TMEM272: variants seen among roughly 807,000 people sequenced by gnomAD.
TMEM272 encodes long intergenic non-protein coding RNA 282.
In TMEM272, 8 loss-of-function variants were observed where a neutral mutation model predicts 3.7. That is an observed-to-expected ratio of 2.17 (90% confidence interval 1.27 to 3.91). TMEM272 has a LOEUF of 3.91. Among genes scored for constraint, TMEM272 ranks in the 30% most tolerant of loss-of-function variants. TMEM272 has a pLI of 0.00. For missense variants in TMEM272, 166 were observed against 91.5 expected (o/e 1.81, Z -3.32); for synonymous variants, 63 against 39.8 (o/e 1.58, Z -2.20).
At chr13:51,837,294 G>A (rs1446534808) in intron 2 of TMEM272, among the ~76,000 whole-genome samples, 2 of 152,198 alleles carry the variant, frequency 1.3e-5, no homozygotes, top group Non-Finnish European at 2.9e-5. Flanking sequence ...GTTGGGGGAG[G>A]TGGTGGTAAC....
At chr13:51,843,830 G>A (rs1018837910) in intron 1 of TMEM272, among the ~76,000 whole-genome samples, 2 of 152,144 alleles carry the variant, frequency 1.3e-5, no homozygotes, top group African/African-American at 4.8e-5. Context: ...ATAATAAAGG[G>A]CACGATGGGA....
chr13:51,866,209 C>T, the TMEM272 span: 116 of 848,466 alleles, frequency 1.4e-4, no homozygotes, highest in Non-Finnish European at 1.8e-4. Flanking sequence ...CAATAAAGTC[C>T]TGAGGCAAGG....
chr13:51,874,709 G>A, the TMEM272 span, among the ~76,000 whole-genome samples: 2 of 152,132 alleles, frequency 1.3e-5, no homozygotes, highest in African/African-American at 4.8e-5. Flanking sequence ...AGTCATACGG[G>A]TGAATTCTCC....
chr13:51,917,592 C>T, the TMEM272 span, among the ~76,000 whole-genome samples: 3 of 152,154 alleles, frequency 2.0e-5, no homozygotes, highest in Non-Finnish European at 2.9e-5. Context: ...GTGCTACCAG[C>T]GAGTCCTGTG....
the TMEM272 span, among the ~76,000 whole-genome samples, chr13:51,892,956 C>T: frequency 6.6e-6 from 1 of 152,206 alleles, no homozygotes; most frequent in Non-Finnish European, 1.5e-5. Flanking sequence ...TTTACTGCAC[C>T]CTGACTACAA....
chr13:51,842,586 T>C (rs1437015613), intron 1 of TMEM272, among the ~76,000 whole-genome samples: 1 of 152,208 alleles, frequency 6.6e-6, no homozygotes, highest in African/African-American at 2.4e-5. Flanking sequence ...TTAGTCATTA[T>C]AAACAACTGC....
chr13:51,878,777 C>A, the TMEM272 span, among the ~76,000 whole-genome samples: 1 of 152,204 alleles, frequency 6.6e-6, no homozygotes, highest in Non-Finnish European at 1.5e-5. Context: ...CTCTTCCCTT[C>A]ACTATATGAA....
chr13:51,843,002 A>G (rs973079723), intron 1 of TMEM272, among the ~76,000 whole-genome samples: 1 of 152,212 alleles, frequency 6.6e-6, no homozygotes, highest in Admixed American at 6.5e-5. Context: ...AGCTGTATCC[A>G]TTTCCAGTGC....
At chr13:51,826,430 G>A in intron 3 of TMEM272, 136 bp downstream of exon 3, 1 of 634,352 alleles carries the variant, frequency 1.6e-6, no homozygotes, top group South Asian at 1.8e-5. Flanking sequence ...TTCTGAGATG[G>A]CACATAGGTG....
chr13:51,865,322 GC>G, the TMEM272 span: 1 of 1,417,848 alleles, frequency 7.1e-7, no homozygotes. Flanking sequence ...CTTTTCTGCT[GC>G]CCCCACAGGG....
At chr13:51,917,562 C>A in the TMEM272 span, among the ~76,000 whole-genome samples, 1 of 152,130 alleles carries the variant, frequency 6.6e-6, no homozygotes, top group East Asian at 1.9e-4. Flanking sequence ...CTAGGGAAAC[C>A]CACACGCTAC....
intron 1 of TMEM272, among the ~76,000 whole-genome samples, chr13:51,841,650 A>G (rs1258998458): frequency 6.6e-6 from 1 of 152,238 alleles, no homozygotes; most frequent in African/African-American, 2.4e-5. Context: ...TTTAGCCACT[A>G]ACTGCAAATA....
At chr13:51,832,092 G>T (rs368519668) in intron 2 of TMEM272, among the ~76,000 whole-genome samples, 1 of 152,272 alleles carries the variant, frequency 6.6e-6, no homozygotes, top group East Asian at 1.9e-4. Flanking sequence ...ATTGGGAAGG[G>T]TGCCCTCCTC....
At chr13:51,897,624 T>C in the TMEM272 span, among the ~76,000 whole-genome samples, 2 of 151,990 alleles carry the variant, frequency 1.3e-5, no homozygotes, top group African/African-American at 2.4e-5. Flanking sequence ...AAAAAAATAG[T>C]TGAAAAGATA....
chr13:51,845,331 T>G (rs1956296646), upstream of TMEM272, among the ~76,000 whole-genome samples: 1 of 152,064 alleles, frequency 6.6e-6, no homozygotes, highest in Non-Finnish European at 1.5e-5. Flanking sequence ...GCCGACCCCT[T>G]GGAGTTAGGA....
At chr13:51,884,273 G>A in the TMEM272 span, among the ~76,000 whole-genome samples, 1 of 152,182 alleles carries the variant, frequency 6.6e-6, no homozygotes, top group Non-Finnish European at 1.5e-5. Flanking sequence ...ATTTGGGGTT[G>A]ATCTTACATT....
At chr13:51,930,875 TTTTA>T in the TMEM272 span, among the ~76,000 whole-genome samples, 4 of 152,104 alleles carry the variant, frequency 2.6e-5, no homozygotes, top group Non-Finnish European at 4.4e-5. Flanking sequence ...ATAAAAAAGG[TTTTA>T]TTTATTAATC....
chr13:51,869,849 T>G, the TMEM272 span, among the ~76,000 whole-genome samples: 1 of 152,186 alleles, frequency 6.6e-6, no homozygotes, highest in African/African-American at 2.4e-5. Flanking sequence ...TCAAGTACGC[T>G]CTGCAGGAAT....
chr13:51,824,313 A>G (rs1413412918), intron 3 of TMEM272, among the ~76,000 whole-genome samples: 1 of 152,232 alleles, frequency 6.6e-6, no homozygotes, highest in Non-Finnish European at 1.5e-5. Flanking sequence ...TCCCTAGTTC[A>G]GTTGATAACA....
Sources: allele counts gnomAD v4.1 joint callset (sites outside exome capture counted in the v4.1 genomes callset), GRCh38; gene constraint gnomAD v4.1.1; transcripts MANE v1.5; gene names NCBI Gene and HGNC (gene_info 2026-07-23, HGNC 2026-07-21).